SEMA3D: variants seen among roughly 807,000 people sequenced by gnomAD.
The protein encoded by SEMA3D is semaphorin 3D.
In SEMA3D, 84 loss-of-function variants were observed where a neutral mutation model predicts 100.1. The observed-to-expected ratio is 0.84, with a 90% CI of 0.70 to 1.01. The LOEUF (loss-of-function observed/expected upper bound fraction) is 1.01, where lower values mean the gene tolerates loss of function less well. Ranked by LOEUF, SEMA3D falls within the 50% of genes least tolerant of loss-of-function variation. SEMA3D has a pLI of 0.00. For missense variants in SEMA3D, 875 were observed against 934.1 expected (o/e 0.94, Z 0.82); for synonymous variants, 312 against 320.7 (o/e 0.97, Z 0.29).
At chr7:85,129,732 T>C (rs1789670835) in intron 2 of SEMA3D, among the ~76,000 whole-genome samples, 1 of 152,150 alleles carries the variant, frequency 6.6e-6, no homozygotes, top group Non-Finnish European at 1.5e-5. Context: ...TTTGGATGTA[T>C]GCTGTAGGAC....
chr7:85,230,430 A>T, the SEMA3D span, among the ~76,000 whole-genome samples: 1 of 152,220 alleles, frequency 6.6e-6, no homozygotes, highest in African/African-American at 2.4e-5. Context: ...AAGGATCCTC[A>T]GTGTTTACAG....
chr7:85,211,585 T>C, the SEMA3D span, among the ~76,000 whole-genome samples: 1 of 152,018 alleles, frequency 6.6e-6, no homozygotes, highest in African/African-American at 2.4e-5. Context: ...GTATTTAATA[T>C]AAATTACAAA....
chr7:85,095,544 A>T (rs1299010489), intron 4 of SEMA3D, among the ~76,000 whole-genome samples: 1 of 152,074 alleles, frequency 6.6e-6, no homozygotes, highest in East Asian at 1.9e-4. Flanking sequence ...TCCGCAAAAG[A>T]GTTTGGATCT....
chr7:85,006,372 A>C (rs963645256), intron 18 of SEMA3D, among the ~76,000 whole-genome samples: 4 of 151,956 alleles, frequency 2.6e-5, no homozygotes, highest in Non-Finnish European at 4.4e-5. Context: ...TGCTCATATA[A>C]TTTGATAAAC....
At chr7:85,199,242 A>G in the SEMA3D span, among the ~76,000 whole-genome samples, 1 of 152,024 alleles carries the variant, frequency 6.6e-6, no homozygotes. Flanking sequence ...TGTGCACTTG[A>G]GATTAAGGCA....
chr7:85,092,687 T>A (rs531391072), intron 4 of SEMA3D, among the ~76,000 whole-genome samples: 2 of 152,076 alleles, frequency 1.3e-5, no homozygotes, highest in African/African-American at 4.8e-5. Flanking sequence ...TAGAATAACA[T>A]ATTATGTAAG....
intron 8 of SEMA3D, among the ~76,000 whole-genome samples, chr7:85,056,904 T>C (rs866617395): frequency 0.031 from 4,521 of 148,184 alleles, 251 homozygotes; most frequent in African/African-American, 0.1. Flanking sequence ...TATATATATA[T>C]ATATATATAT....
chr7:85,110,286 T>A (rs1240577748), intron 3 of SEMA3D, among the ~76,000 whole-genome samples: 1 of 151,946 alleles, frequency 6.6e-6, no homozygotes, highest in Non-Finnish European at 1.5e-5. Flanking sequence ...TATTATCATA[T>A]AAAGGGGTTG....
the SEMA3D span, among the ~76,000 whole-genome samples, chr7:85,193,899 AG>A: frequency 1.3e-5 from 2 of 151,688 alleles, no homozygotes; most frequent in African/African-American, 4.8e-5. Flanking sequence ...CGCAGTTTAA[AG>A]AGACAGAGCA....
chr7:85,208,643 A>G, the SEMA3D span, among the ~76,000 whole-genome samples: 1 of 151,978 alleles, frequency 6.6e-6, no homozygotes, highest in Admixed American at 6.6e-5. Flanking sequence ...AGCCTGGAGA[A>G]GCAGCACTAG....
At chr7:85,158,190 C>T (rs1423479517) in intron 1 of SEMA3D, among the ~76,000 whole-genome samples, 3 of 152,156 alleles carry the variant, frequency 2.0e-5, no homozygotes, top group Admixed American at 6.5e-5. Context: ...GTTCAGGGAA[C>T]AAGAGAGATA....
chr7:85,140,873 A>C, intron 2 of SEMA3D: 1 of 772,986 alleles, frequency 1.3e-6, no homozygotes, highest in Non-Finnish European at 1.6e-6. Context: ...GGTATACAAA[A>C]AGAAAATCAA....
intron 2 of SEMA3D, chr7:85,140,233 AAAT>A (rs886320913): frequency 1.3e-6 from 1 of 747,098 alleles, no homozygotes; most frequent in African/African-American, 1.9e-5. Context: ...ACTCAATATA[AAAT>A]AATAATTCAT....
At chr7:85,093,585 A>C (rs1006232168) in intron 4 of SEMA3D, among the ~76,000 whole-genome samples, 5 of 151,934 alleles carry the variant, frequency 3.3e-5, no homozygotes, top group Admixed American at 2.6e-4. Flanking sequence ...TTATATAACA[A>C]ATTTTCTTAT....
At position 84,999,468 on chromosome 7, in the gene SEMA3D, T is replaced by TCCA; in HGVS notation, c.2303_2305dup (p.Leu768_Asp769insVal). On this transcript the variant is annotated inframe_insertion, in exon 19 of 19. Transcript: ENST00000284136. Reference sequence around the variant, plus strand: ...CGTGGCTACAGCTCTAGGGAGCTCATCCAGGTCTCTGTGATGTCTTCGATT... The same window carrying TCCA: ...CGTGGCTACAGCTCTAGGGAGCTCATCCACCAGGTCTCTGTGATGTCTTCGATT... 1 of 1,614,094 alleles carries TCCA rather than the reference T, an allele frequency of 6.2e-7. No homozygotes were observed. The highest frequency in any genetic ancestry group is 1.3e-5 in the African/African-American group (1 of 75,046).
At chr7:85,180,832 C>G (rs893586892) in intron 1 of SEMA3D, among the ~76,000 whole-genome samples, 6 of 152,268 alleles carry the variant, frequency 3.9e-5, no homozygotes, top group Non-Finnish European at 7.4e-5. Context: ...CATGCTGTAA[C>G]AGTTTCTCAG....
Position 85,055,842 on chromosome 7 carries a change from T to A in SEMA3D, c.736A>T (p.Thr246Ser). The A allele has an allele frequency of 6.4e-7, 1 of 1,561,738 alleles. No individual in the cohort carries two copies. Among genetic ancestry groups the A allele is most frequent in the South Asian group, 1.2e-5 (1 of 86,082 alleles). ...YWLNGAKFIGTFFIPDTYNPD... is the reference protein window; with the variant it reads ...YWLNGAKFIGSFFIPDTYNPD... ...TTGTAGGTGTCTGGTATGAAGAAAG[T>A]TCCAATAAATTTTGCTCCTGTTTGA... The change falls in exon 9 of 19, where the codon ACT becomes TCT. Residue 246 changes from threonine to serine, a missense_variant. By Grantham distance (58) the Thr-to-Ser change is moderately conservative. Transcript: ENST00000284136.
At position 85,170,622 on chromosome 7, in the gene SEMA3D, C is replaced by A. The variant is rs1284731491; in HGVS notation, c.-173+16056G>T. 2.6e-5 allele frequency among the ~76,000 whole-genome samples: 4 copies of A among 151,882 alleles called. No homozygotes were observed. The East Asian group carries it at 5.8e-4, about 22-fold the overall frequency. The stretch of plus-strand genomic sequence containing the variant: ...TCTAATAAATTATTTCTTATAATTT[C>A]TCTGGTATTCTTCTTTTATATTCTC... On this transcript the variant is annotated intron_variant, in intron 1 of 18. Transcript: ENST00000284136.
chr7:85,030,841 T>C (rs1790528096), intron 12 of SEMA3D, among the ~76,000 whole-genome samples: 1 of 152,056 alleles, frequency 6.6e-6, no homozygotes, highest in African/African-American at 2.4e-5. Context: ...TTCAATTTGG[T>C]TTCTATATCT....
Sources: allele counts gnomAD v4.1 joint callset (sites outside exome capture counted in the v4.1 genomes callset), GRCh38; gene constraint gnomAD v4.1.1; transcripts MANE v1.5; gene names NCBI Gene and HGNC (gene_info 2026-07-23, HGNC 2026-07-21).